The following EPHA8 variants were observed in gnomAD, a reference collection of about 807,000 sequenced individuals.
EPHA8 encodes EPH receptor A8.
A neutral mutation model predicts 103.6 loss-of-function variants in EPHA8; 58 were observed. That is an observed-to-expected ratio of 0.56 (90% confidence interval 0.45 to 0.70). The LOEUF is 0.70. EPHA8 is among the 30% of genes least tolerant of loss of function. The probability of loss-of-function intolerance (pLI) is 0.00; values close to 1 mark genes in which losing one functional copy is unlikely to be tolerated. For missense variants in EPHA8, 1,304 were observed against 1,395.2 expected, an observed-to-expected ratio of 0.93 and a Z score of 1.04; for synonymous variants, 559 against 572.5, an observed-to-expected ratio of 0.98 and a Z score of 0.34.
intron 3 of EPHA8, among the ~76,000 whole-genome samples, chr1:22,578,263 T>G (rs959167407): frequency 6.7e-6 from 1 of 149,632 alleles, no homozygotes. Context: ...TGTATACCCG[T>G]GTGTGCATGA....
chr1:22,585,623 G>A (rs1641180894), intron 3 of EPHA8, among the ~76,000 whole-genome samples: 1 of 152,198 alleles, frequency 6.6e-6, no homozygotes, highest in Non-Finnish European at 1.5e-5. Context: ...ATGAACAGTG[G>A]TTGACTGAAT....
rs374551936 is a variant in EPHA8, at chr1:22,600,937, C to A, written c.2578C>A (p.Pro860Thr). 1 of 1,612,298 alleles carries A rather than the reference C, an allele frequency of 6.2e-7. No individual in the cohort carries two copies. The highest frequency in any genetic ancestry group is 8.5e-7 in the Non-Finnish European group (1 of 1,179,490). ...GGAGGAGGGGTACCGCCTGCCCGCACCCATGGGCTGCCCCCACGCCCTGCA... is the reference window on the plus strand; with the variant it reads ...GGAGGAGGGGTACCGCCTGCCCGCAACCATGGGCTGCCCCCACGCCCTGCA... ...SVEEGYRLPAPMGCPHALHQL... is the reference protein window; with the variant it reads ...SVEEGYRLPATMGCPHALHQL... The change falls in exon 15 of 17, where the codon CCC (proline) becomes ACC (threonine). Residue 860 changes from proline (P) to threonine (T), a missense_variant. Coordinates refer to ENST00000166244, the MANE Select transcript of EPHA8 (RefSeq NM_020526.5).
intron 3 of EPHA8, among the ~76,000 whole-genome samples, chr1:22,579,084 CGTGCATGTGTGCAT>C (rs1245711838): frequency 1.1e-4 from 11 of 100,866 alleles, no homozygotes; most frequent in Non-Finnish European, 1.3e-4. Context: ...TGCATGTGTA[CGTGCATGTGTGCAT>C]GTGTATGTGT....
rs907949262 is a variant in EPHA8, at chr1:22,601,806, G to A, written c.*65G>A. 65 of 1,452,692 alleles carry A rather than the reference G, an allele frequency of 4.5e-5. No homozygotes were observed. Among genetic ancestry groups the A allele is most frequent in the East Asian group, 2.0e-4 (8 of 40,492 alleles). The allele number at this position is 1,452,692 out of a possible 1,614,324, so 90.0% of individuals were successfully genotyped here. Reference sequence around the variant, plus strand: ...CCAGGTCATGCCAGCGGCAGAGGACGTGAGGGGCTGGCAGCAGGCAGGGCG... The same window carrying A: ...CCAGGTCATGCCAGCGGCAGAGGACATGAGGGGCTGGCAGCAGGCAGGGCG... On this transcript the variant is annotated 3_prime_UTR_variant, in exon 17 of 17. Coordinates refer to ENST00000166244, the MANE Select transcript of EPHA8 (RefSeq NM_020526.5).
chr1:22,573,456 C>T (rs547982035), intron 2 of EPHA8, among the ~76,000 whole-genome samples: 2 of 152,218 alleles, frequency 1.3e-5, no homozygotes, highest in South Asian at 4.2e-4. Flanking sequence ...TTGGGATGGG[C>T]AGAAAAAGAC....
chr1:22,595,370 G>A (rs778101487), intron 8 of EPHA8, 47 bp downstream of exon 8: 16 of 1,528,128 alleles, frequency 1.0e-5, no homozygotes, highest in Admixed American at 7.1e-5. Context: ...CTCAAGCACC[G>A]TACCTCCTGC....
intron 5 of EPHA8, among the ~76,000 whole-genome samples, chr1:22,591,226 CA>C (rs201097230): frequency 1.3e-5 from 2 of 151,578 alleles, no homozygotes; most frequent in African/African-American, 2.4e-5. Flanking sequence ...CCCATCTCTA[CA>C]AAAAAAATTT....
In EPHA8 at chr1:22,593,607, C is replaced by A. The variant is rs55964751; in HGVS notation, c.1524C>A (p.Tyr508Ter). ...TVSGLKPGTR[Y>*]VFQVRARTSA... ...CCGGCCTCAAGCCGGGCACCCGCTA[C>A]GTGTTCCAGGTCCGAGCCCGCACCT... The change falls in exon 7 of 17, where the codon TAC (tyrosine) becomes TAA (stop). Residue 508 changes from tyrosine (Y) to a stop codon, truncating the protein, a stop_gained. Transcript: ENST00000166244. LOFTEE classifies it high-confidence loss of function. The A allele has an allele frequency of 1.4e-5, 22 of 1,611,030 alleles. No homozygotes were observed. Among genetic ancestry groups the A allele is most frequent in the Non-Finnish European group, 1.7e-5 (20 of 1,179,180 alleles).
At position 22,576,278 on chromosome 1, in the gene EPHA8, A is replaced by G. The variant is rs2124519930; in HGVS notation, c.221A>G (p.Asn74Ser). The G allele has an allele frequency of 2.5e-6, 4 of 1,613,794 alleles. No individual in the cohort carries two copies. The highest frequency in any genetic ancestry group is 3.4e-6 in the Non-Finnish European group (4 of 1,179,980). ...CCCATCCACACGTACCAGGTTTGCAACGTCATGAGCCCCAACCAGAACAAC... is the reference window on the plus strand; with the variant it reads ...CCCATCCACACGTACCAGGTTTGCAGCGTCATGAGCCCCAACCAGAACAAC... ...FQPIHTYQVC[N>S]VMSPNQNNWL... Residue 74 changes from asparagine to serine, a missense_variant, in exon 3 of 17, where the codon AAC becomes AGC. Transcript: ENST00000166244. This position sits in a 1 kb window ranked among gnomAD's most constrained non-coding sequence, Gnocchi z 4.8.
At chr1:22,595,369 CG>C (rs1641489958) in intron 8 of EPHA8, 46 bp downstream of exon 8, 11 of 1,533,626 alleles carry the variant, frequency 7.2e-6, no homozygotes, top group Non-Finnish European at 9.9e-6. Flanking sequence ...TCTCAAGCAC[CG>C]TACCTCCTGC....
intron 9 of EPHA8, 102 bp downstream of exon 9, chr1:22,596,275 G>GA: frequency 2.5e-6 from 3 of 1,177,562 alleles, no homozygotes; most frequent in Non-Finnish European, 3.7e-6. Context: ...GGTGCCCAGT[G>GA]AAAAAACCAG....
chr1:22,584,372 C>G lies in EPHA8; in HGVS notation c.824-2108C>G, dbSNP rs186955655. On this transcript the variant is annotated intron_variant, in intron 3 of 16. Coordinates refer to ENST00000166244, the MANE Select transcript of EPHA8 (RefSeq NM_020526.5). ...CTCTGGAGGGGAGGGAAAGATGTTG[C>G]AACAATGGTGCGTATTTTCCCCCAC... is the stretch of plus-strand genomic sequence containing the variant. Among the ~76,000 whole-genome samples the G allele has an allele frequency of 7.9e-5, 12 of 152,304 alleles. No individual in the cohort carries two copies. In the East Asian group the frequency reaches 2.3e-3, roughly 29 times the overall value.
chr1:22,594,581 C>G (rs1356995129), intron 7 of EPHA8, among the ~76,000 whole-genome samples: 2 of 152,228 alleles, frequency 1.3e-5, no homozygotes, highest in African/African-American at 4.8e-5. Flanking sequence ...CTCCTCCTGC[C>G]CCAATCTCCA....
intron 3 of EPHA8, among the ~76,000 whole-genome samples, chr1:22,578,577 G>A (rs1478521423): frequency 6.7e-6 from 1 of 148,362 alleles, no homozygotes; most frequent in Non-Finnish European, 1.5e-5. Flanking sequence ...GTGTCTGCAT[G>A]TGTGCATGAA....
chr1:22,576,656 A>G lies in EPHA8; in HGVS notation c.599A>G (p.Tyr200Cys). ...ACLAILSLRI[Y>C]YKKCPAMVRN... ...CTGGCCATCCTCTCTCTCCGCATCT[A>G]CTATAAGAAGTGCCCTGCCATGGTG... is the stretch of plus-strand genomic sequence containing the variant. Residue 200 changes from tyrosine (Y) to cysteine (C), a missense_variant, in exon 3 of 17, where the codon TAC becomes TGC. By Grantham distance (194) the Tyr-to-Cys change is radical. Transcript: ENST00000166244. This position sits in a 1 kb window ranked among gnomAD's most constrained non-coding sequence, Gnocchi z 4.8. 1 of 1,613,628 alleles carries G rather than the reference A, an allele frequency of 6.2e-7. No individual in the cohort carries two copies. The highest frequency in any genetic ancestry group is 8.5e-7 in the Non-Finnish European group (1 of 1,179,986).
rs1367697479 is a variant in EPHA8, at chr1:22,567,470, G to A, written c.95-1819G>A. The stretch of plus-strand genomic sequence containing the variant: ...CCTGGCGTGGGGCCGGCTTGGGGAG[G>A]GGGAGGTCCCTCTGCGGACATTCGC... On this transcript the variant is annotated intron_variant, in intron 1 of 16. Transcript: ENST00000166244. This position sits in a 1 kb window ranked among gnomAD's most constrained non-coding sequence, Gnocchi z 4.2. Among the ~76,000 whole-genome samples, 2 of 152,106 alleles carry A rather than the reference G, an allele frequency of 1.3e-5. No homozygotes were observed. The highest frequency in any genetic ancestry group is 2.4e-5 in the African/African-American group (1 of 41,408).
rs1168654176 is a variant in EPHA8, at chr1:22,589,281, AGCTCTGCCG to A, written c.1315+77_1315+85del. On this transcript the variant is annotated intron_variant, in intron 5 of 16. Transcript: ENST00000166244. This position sits in a 1 kb window ranked among gnomAD's most constrained non-coding sequence, Gnocchi z 4.3. Reference sequence around the variant, plus strand: ...TGCCTCAGACCCATCCAGGGATCAGAGCTCTGCCGGGGACGTGCTGTGGGCCTTTAGGCA... The same window carrying A: ...TGCCTCAGACCCATCCAGGGATCAGAGGGACGTGCTGTGGGCCTTTAGGCA... 1.2e-6 allele frequency: 2 copies of A among 1,613,696 alleles called. No individual in the cohort carries two copies. The highest frequency in any genetic ancestry group is 2.7e-5 in the African/African-American group (2 of 74,938).
chr1:22,574,534 C>A (rs998688478), intron 2 of EPHA8, among the ~76,000 whole-genome samples: 12 of 152,206 alleles, frequency 7.9e-5, no homozygotes, highest in Non-Finnish European at 1.6e-4. Flanking sequence ...ATCTGACTAT[C>A]TAGGTACTGC....
intron 3 of EPHA8, among the ~76,000 whole-genome samples, chr1:22,577,307 G>A (rs1453300975): frequency 6.6e-6 from 1 of 152,178 alleles, no homozygotes; most frequent in African/African-American, 2.4e-5. Flanking sequence ...AGGAACTACT[G>A]TTATCCTGGT....
Sources: gnomAD v4.1 joint callset for allele counts (sites outside exome capture counted in the v4.1 genomes callset) on GRCh38, gnomAD v4.1.1 for gene constraint, Gnocchi (gnomAD v3.1) non-coding constraint, MANE v1.5 for transcripts, NCBI Gene and HGNC (gene_info 2026-07-23, HGNC 2026-07-21) for gene names.